ANKH: variants seen among roughly 807,000 people sequenced by gnomAD.
The protein encoded by ANKH is ANKH inorganic pyrophosphate transport regulator, also known as mineralization regulator ANKH.
ANKH carries 15 observed loss-of-function variants against 49.0 expected under a neutral mutation model. The observed-to-expected ratio is 0.31, with a 90% CI of 0.20 to 0.47. The LOEUF (loss-of-function observed/expected upper bound fraction) is 0.47. Ranked by LOEUF, ANKH falls within the 20% of genes least tolerant of loss-of-function variation. ANKH has a pLI of 1.00. For missense variants in ANKH, 429 were observed against 652.0 expected, an observed-to-expected ratio of 0.66 and a Z score of 3.72; for synonymous variants, 273 against 260.0, an observed-to-expected ratio of 1.05 and a Z score of -0.48.
At position 14,869,478 on chromosome 5, in the gene ANKH, G is replaced by A. The variant is rs573083641; in HGVS notation, c.96+1874C>T. On this transcript the variant is annotated intron_variant, in intron 1 of 11. Transcript: ENST00000284268. ...GGGAAAAGGACCTCAAATGACACTTGTTGATAACATTTTGCTTCTCTGCAA... is the reference window on the plus strand; with the variant it reads ...GGGAAAAGGACCTCAAATGACACTTATTGATAACATTTTGCTTCTCTGCAA... 4 of 152,300 alleles carry A rather than the reference G, an allele frequency of 2.6e-5. No homozygotes were observed. In the South Asian group the frequency reaches 8.3e-4, roughly 32 times the overall value. The allele number at this position is 152,300 out of a possible 1,614,324, so 9.4% of individuals were successfully genotyped here. A position where few individuals can be genotyped will look rare whatever the true frequency, so the allele number is the denominator to read the frequency against.
At chr5:14,777,134 A>C (rs889926977) in intron 1 of ANKH, among the ~76,000 whole-genome samples, 1 of 106,202 alleles carries the variant, frequency 9.4e-6, no homozygotes, top group African/African-American at 3.6e-5. Flanking sequence ...ATATAAAAAA[A>C]GTTAGCCGGG....
intron 1 of ANKH, among the ~76,000 whole-genome samples, chr5:14,796,098 G>T (rs1199698270): frequency 6.6e-6 from 1 of 151,500 alleles, no homozygotes; most frequent in African/African-American, 2.4e-5. Context: ...ATTTGTATCT[G>T]TGCCTTTTGG....
At position 14,713,478 on chromosome 5, in the gene ANKH, T is replaced by A; in HGVS notation, c.1265+66A>T. Reference sequence around the variant, plus strand: ...GGATTTCCCCTGAAAATGTAGCTGTTAAACCTCTGGACACAGTATTGAAGT... The same window carrying A: ...GGATTTCCCCTGAAAATGTAGCTGTAAAACCTCTGGACACAGTATTGAAGT... On this transcript the variant is annotated intron_variant, in intron 10 of 11. Transcript: ENST00000284268. The surrounding 1 kb of genome is among the most constrained non-coding windows in gnomAD (Gnocchi z 4.4). 6.2e-7 allele frequency: 1 copy of A among 1,600,954 alleles called. No individual in the cohort carries two copies. The highest frequency in any genetic ancestry group is 8.5e-7 in the Non-Finnish European group (1 of 1,171,754).
In ANKH at chr5:14,707,947, CT is replaced by C. The variant is rs1737004466; in HGVS notation, c.*3249del. The C allele has an allele frequency of 6.6e-6, 1 of 152,156 alleles. No individual in the cohort carries two copies. The highest frequency in any genetic ancestry group is 1.5e-5 in the Non-Finnish European group (1 of 68,022). 9.4% of individuals were successfully genotyped at this position (152,156 alleles called of 1,614,324 possible). On this transcript the variant is annotated 3_prime_UTR_variant, in exon 12 of 12. Coordinates refer to ENST00000284268, the MANE Select transcript of ANKH (RefSeq NM_054027.6). ...TTACCCAGAAATGCAAACAAGTGGC[CT>C]TCTGTGCCCCATTTAAAGAATCCCA... is the stretch of plus-strand genomic sequence containing the variant.
At chr5:14,802,924 C>A (rs894977202) in intron 1 of ANKH, among the ~76,000 whole-genome samples, 20 of 152,302 alleles carry the variant, frequency 1.3e-4, no homozygotes, top group African/African-American at 4.8e-4. Flanking sequence ...GGGAGCATGA[C>A]TCTCACCCAT....
intron 9 of ANKH, among the ~76,000 whole-genome samples, chr5:14,714,554 T>G (rs944302300): frequency 6.6e-6 from 1 of 152,206 alleles, no homozygotes; most frequent in African/African-American, 2.4e-5. Flanking sequence ...TATGCTGGTT[T>G]GGAAGGAAGT....
intron 2 of ANKH, among the ~76,000 whole-genome samples, chr5:14,765,475 A>G (rs1021334215): frequency 1.5e-4 from 23 of 152,176 alleles, no homozygotes; most frequent in African/African-American, 5.1e-4. Flanking sequence ...TTCCCGCACA[A>G]TCTCCACCAA....
chr5:14,722,567 C>G (rs1335854157), intron 8 of ANKH, among the ~76,000 whole-genome samples: 1 of 152,096 alleles, frequency 6.6e-6, no homozygotes, highest in Non-Finnish European at 1.5e-5. Flanking sequence ...GACACAGAAG[C>G]CAGGCAGAAG....
At chr5:14,812,066 G>A (rs1379526685) in intron 1 of ANKH, among the ~76,000 whole-genome samples, 1 of 146,426 alleles carries the variant, frequency 6.8e-6, no homozygotes, top group East Asian at 2.0e-4. Flanking sequence ...AATTCTTGCT[G>A]AGCTACTTTC....
At chr5:14,747,645 C>T (rs928952497) in intron 6 of ANKH, among the ~76,000 whole-genome samples, 4 of 152,208 alleles carry the variant, frequency 2.6e-5, no homozygotes, top group Non-Finnish European at 4.4e-5. Flanking sequence ...TCTAAACCTA[C>T]ATCCTGGCAG....
chr5:14,717,154 G>A (rs1213463918), intron 8 of ANKH: 2 of 368,114 alleles, frequency 5.4e-6, no homozygotes, highest in African/African-American at 2.1e-5. Context: ...CAAGGGTTAA[G>A]GAGAGTGCCA....
At position 14,707,346 on chromosome 5, in the gene ANKH, G is replaced by GA. The variant is rs1309444742; in HGVS notation, c.*3850dup. The stretch of plus-strand genomic sequence containing the variant: ...GAGTCTTCAAATCGATGTGTTCCTA[G>GA]AAACCAAGGATATAGAAAAGTTACT... On this transcript the variant is annotated 3_prime_UTR_variant, in exon 12 of 12. Coordinates refer to ENST00000284268, the MANE Select transcript of ANKH (RefSeq NM_054027.6). 1 of 151,460 alleles carries GA rather than the reference G, an allele frequency of 6.6e-6. No homozygotes were observed. Among genetic ancestry groups the GA allele is most frequent in the East Asian group, 1.9e-4 (1 of 5,178 alleles). 9.4% of individuals were successfully genotyped at this position (151,460 alleles called of 1,614,324 possible).
chr5:14,783,117 T>C (rs952578807), intron 1 of ANKH, among the ~76,000 whole-genome samples: 4 of 152,106 alleles, frequency 2.6e-5, no homozygotes, highest in Admixed American at 2.6e-4. Flanking sequence ...CTGGGGCACT[T>C]GATCTCGTTG....
At chr5:14,711,552 G>A (rs1423582979) in intron 11 of ANKH, among the ~76,000 whole-genome samples, 1 of 152,178 alleles carries the variant, frequency 6.6e-6, no homozygotes, top group East Asian at 1.9e-4. Flanking sequence ...AGGACACCAT[G>A]TCCCACTGCC....
At chr5:14,758,454 G>A (rs779381179) in intron 3 of ANKH, 26 bp downstream of exon 3, 1 of 1,563,352 alleles carries the variant, frequency 6.4e-7, no homozygotes, top group Non-Finnish European at 8.8e-7. Context: ...GAAAAAGAAA[G>A]AAAGCCAACG....
intron 1 of ANKH, among the ~76,000 whole-genome samples, chr5:14,839,976 A>T (rs1206018924): frequency 6.6e-6 from 1 of 152,248 alleles, no homozygotes; most frequent in Non-Finnish European, 1.5e-5. Context: ...ATAAATGTTC[A>T]GGCTGACCTT....
chr5:14,740,922 C>A lies in ANKH; in HGVS notation c.1011+905G>T, dbSNP rs566389440. 2.0e-5 allele frequency among the ~76,000 whole-genome samples: 3 copies of A among 152,256 alleles called. No homozygotes were observed. The South Asian group carries it at 6.2e-4, about 32-fold the overall frequency. On this transcript the variant is annotated intron_variant, in intron 8 of 11. Coordinates refer to ENST00000284268, the MANE Select transcript of ANKH (RefSeq NM_054027.6). ...TCTGCAAATATTTCTATTGTATATGCGAAAGTAAGTTTCTACCGGATTTAA... is the reference window on the plus strand; with the variant it reads ...TCTGCAAATATTTCTATTGTATATGAGAAAGTAAGTTTCTACCGGATTTAA...
chr5:14,744,632 G>C (rs1157633857), intron 7 of ANKH, among the ~76,000 whole-genome samples: 1 of 152,256 alleles, frequency 6.6e-6, no homozygotes, highest in Admixed American at 6.5e-5. Flanking sequence ...CAGAGGAGGA[G>C]GAGGGCAGAT....
intron 4 of ANKH, 141 bp from the exon 5 acceptor site, chr5:14,751,380 T>C: frequency 1.2e-6 from 1 of 801,390 alleles, no homozygotes; most frequent in South Asian, 1.5e-5. Context: ...AAAAATTGGA[T>C]GATGACCCAA....
Sources: allele counts gnomAD v4.1 joint callset (sites outside exome capture counted in the v4.1 genomes callset), GRCh38; gene constraint gnomAD v4.1.1; non-coding constraint Gnocchi (gnomAD v3.1); transcripts MANE v1.5; gene names NCBI Gene and HGNC (gene_info 2026-07-23, HGNC 2026-07-21).